Variants in UPRT observed in about 807,000 individuals in gnomAD.
The protein encoded by UPRT is uracil phosphoribosyltransferase homolog, also known as RP11-311P8.3.
A neutral mutation model predicts 22.6 loss-of-function variants in UPRT; 5 were observed. The observed-to-expected ratio is 0.22, with a 90% confidence interval of 0.12 to 0.47. The LOEUF (loss-of-function observed/expected upper bound fraction) is 0.47, where lower values mean the gene tolerates loss of function less well. Among genes scored for constraint, UPRT ranks in the 20% least tolerant of loss-of-function variants. The pLI, the probability that UPRT is intolerant of heterozygous loss-of-function variation, is 0.99. For missense variants in UPRT, 181 were observed against 239.9 expected (o/e 0.75, Z 1.62); for synonymous variants, 77 against 87.7 (o/e 0.88, Z 0.68).
intron 4 of UPRT, among the ~76,000 whole-genome samples, chrX:75,191,489 C>A (rs2082314949): frequency 2.1e-5 from 1 of 48,681 alleles, no homozygotes; most frequent in Non-Finnish European, 4.6e-5. Context: ...CTCTTCACAG[C>A]TGTCAGACAG....
rs756215344 is a variant in UPRT at position 75,167,374 on chromosome X, C to T, written c.-520-432C>T. On this transcript the variant is annotated intron_variant, in intron 3 of 13. Coordinates refer to the UPRT transcript ENST00000652605. The stretch of plus-strand genomic sequence containing the variant: ...GTATTACAAAAATCTTTCCCCACAC[C>T]GGATCTCCTAAAGTTGTATGTAAAG... Among the ~76,000 whole-genome samples the T allele has an allele frequency of 1.5e-4, 17 of 111,613 alleles. No homozygotes were observed. The South Asian group carries it at 4.5e-3, about 30-fold the overall frequency.
At chrX:75,191,110 T>C (rs1248077271) in intron 4 of UPRT, among the ~76,000 whole-genome samples, 3 of 112,025 alleles carry the variant, frequency 2.7e-5, no homozygotes, top group African/African-American at 9.7e-5. Flanking sequence ...TTTGTGGTTT[T>C]ATCTACCTTT....
intron 1 of UPRT, among the ~76,000 whole-genome samples, chrX:75,287,419 A>G (rs1191131924): frequency 9.0e-6 from 1 of 111,648 alleles, no homozygotes; most frequent in Non-Finnish European, 1.9e-5. Flanking sequence ...TGGATAGGTA[A>G]CTATTAGTTT....
At chrX:75,277,221 G>A (rs2082635009) in intron 1 of UPRT, among the ~76,000 whole-genome samples, 1 of 111,105 alleles carries the variant, frequency 9.0e-6, no homozygotes, top group African/African-American at 3.3e-5. Flanking sequence ...TTTTTTTAGA[G>A]GGTGAGGATT....
At chrX:75,252,055 A>G (rs947218898) in intron 4 of UPRT, among the ~76,000 whole-genome samples, 3 of 112,408 alleles carry the variant, frequency 2.7e-5, no homozygotes, top group African/African-American at 9.7e-5. Flanking sequence ...TTATACAAAA[A>G]TTAATTCAAG....
intron 4 of UPRT, among the ~76,000 whole-genome samples, chrX:75,233,873 T>A (rs2082449343): frequency 9.2e-6 from 1 of 108,365 alleles, no homozygotes; most frequent in African/African-American, 3.4e-5. Flanking sequence ...AGAAACTGCA[T>A]CAACTAATGA....
intron 4 of UPRT, among the ~76,000 whole-genome samples, chrX:75,232,602 C>T (rs1230207421): frequency 8.9e-6 from 1 of 112,404 alleles, no homozygotes; most frequent in African/African-American, 3.2e-5. Context: ...AATGGGCAGA[C>T]TGCCTCCTCA....
chrX:75,235,132 C>A (rs183068159), intron 4 of UPRT, among the ~76,000 whole-genome samples: 1 of 111,810 alleles, frequency 8.9e-6, no homozygotes, highest in African/African-American at 3.3e-5. Flanking sequence ...GAAATACAGA[C>A]TACCATCAGA....
intron 4 of UPRT, among the ~76,000 whole-genome samples, chrX:75,250,991 G>A (rs931309610): frequency 9.0e-6 from 1 of 111,604 alleles, no homozygotes; most frequent in Non-Finnish European, 1.9e-5. Context: ...TGCAGAAAAG[G>A]CTTTTGACAA....
At position 75,268,424 on chromosome X, in the gene UPRT, C is replaced by T. The variant is rs192718935; in HGVS notation, c.-446-22600C>T. Among the ~76,000 whole-genome samples, 51 of 111,281 alleles carry T rather than the reference C, an allele frequency of 4.6e-4. 1 individual carries two copies. The East Asian group carries it at 0.014, about 31-fold the overall frequency. On this transcript the variant is annotated intron_variant, in intron 4 of 13. Coordinates refer to the UPRT transcript ENST00000652605. ...TTCATTATATGATGCCAGCATCATCCTGGTACCACAACCTGGCAGAGACAC... is the reference window on the plus strand; with the variant it reads ...TTCATTATATGATGCCAGCATCATCTTGGTACCACAACCTGGCAGAGACAC...
chrX:75,159,766 T>A lies in UPRT; in HGVS notation c.-736-784T>A, dbSNP rs748723328. Among the ~76,000 whole-genome samples, 6 of 92,396 alleles carry A rather than the reference T, an allele frequency of 6.5e-5. No individual in the cohort carries two copies. In the East Asian group the frequency reaches 2.2e-3, roughly 34 times the overall value. 80.2% of individuals were successfully genotyped at this position (92,396 alleles called of 115,157 possible). On this transcript the variant is annotated intron_variant, in intron 1 of 13. Transcript: ENST00000652605. ...AGCTTAAGATTTTATGATACTTGCC[T>A]TAAATTTTTTTTTTTTTTTTTTTTT... is the stretch of plus-strand genomic sequence containing the variant.
intron 4 of UPRT, among the ~76,000 whole-genome samples, chrX:75,234,833 A>G (rs1364447005): frequency 8.9e-6 from 1 of 111,840 alleles, no homozygotes; most frequent in Non-Finnish European, 1.9e-5. Context: ...AAGAGAAAGC[A>G]GGAAAGATCC....
At chrX:75,300,402 AT>A (rs1477088569) in intron 5 of UPRT, among the ~76,000 whole-genome samples, 1 of 111,965 alleles carries the variant, frequency 8.9e-6, no homozygotes. Context: ...TGTATGTGTC[AT>A]GTTCATTATT....
chrX:75,278,064 A>G (rs970325275), intron 1 of UPRT, among the ~76,000 whole-genome samples: 6 of 111,254 alleles, frequency 5.4e-5, no homozygotes, highest in African/African-American at 2.0e-4. Flanking sequence ...TCTCTTCTCT[A>G]TTTTGATGTG....
intron 4 of UPRT, among the ~76,000 whole-genome samples, chrX:75,185,211 T>C (rs2082285665): frequency 8.9e-6 from 1 of 112,088 alleles, no homozygotes; most frequent in South Asian, 3.7e-4. Flanking sequence ...ACCTAATTTA[T>C]TGAGAGTTTT....
chrX:75,221,842 A>G (rs1237959893), intron 4 of UPRT, among the ~76,000 whole-genome samples: 2 of 111,502 alleles, frequency 1.8e-5, no homozygotes, highest in African/African-American at 6.5e-5. Context: ...TCATTTGGTG[A>G]GGTCATGTTT....
At chrX:75,294,884 G>A (rs974704686) in intron 2 of UPRT, among the ~76,000 whole-genome samples, 1 of 111,589 alleles carries the variant, frequency 9.0e-6, no homozygotes, top group Non-Finnish European at 1.9e-5. Flanking sequence ...ATAGAAAGTA[G>A]GAGTTAAGTT....
intron 4 of UPRT, among the ~76,000 whole-genome samples, chrX:75,243,173 C>T (rs1257100176): frequency 9.0e-6 from 1 of 111,222 alleles, no homozygotes. Context: ...TAACATTATC[C>T]TTTCATTTTT....
intron 1 of UPRT, among the ~76,000 whole-genome samples, chrX:75,289,795 G>T (rs1367961339): frequency 4.3e-4 from 48 of 111,072 alleles, no homozygotes; most frequent in Non-Finnish European, 7.6e-4. Flanking sequence ...TTTTCACCAT[G>T]TAGAAAACTT....
Sources: allele counts gnomAD v4.1 joint callset (sites outside exome capture counted in the v4.1 genomes callset), GRCh38; gene constraint gnomAD v4.1.1; transcripts MANE v1.5; gene names NCBI Gene and HGNC (gene_info 2026-07-23, HGNC 2026-07-21).